SNCB: variants seen among roughly 807,000 people sequenced by gnomAD.
The protein encoded by SNCB is synuclein beta.
SNCB carries 8 observed loss-of-function variants against 20.0 expected under a neutral mutation model. The ratio of observed to expected loss-of-function variants is 0.40; its 90% CI spans 0.24 to 0.72. The LOEUF is 0.72. Ranked by LOEUF, SNCB falls within the 30% of genes least tolerant of loss-of-function variation. The pLI, the probability that SNCB is intolerant of heterozygous loss-of-function variation, is 0.37. For missense variants in SNCB, 125 were observed against 168.0 expected (o/e 0.74, Z 1.41); for synonymous variants, 56 against 65.4 (o/e 0.86, Z 0.69).
chr5:176,628,854 C>T (rs1428727005), intron 2 of SNCB, among the ~76,000 whole-genome samples: 5 of 152,302 alleles, frequency 3.3e-5, no homozygotes, highest in South Asian at 2.1e-4. Context: ...AAATATGCCA[C>T]GACCCTGGGC....
chr5:176,621,988 G>T lies in SNCB; in HGVS notation c.283-685C>A, dbSNP rs1399546770. ...GAACAAACATGGGACTGAGCTGGCT[G>T]CACACACAAGCACACGCGATAGCTT... On this transcript the variant is annotated intron_variant, in intron 4 of 5. Coordinates refer to ENST00000393693, the MANE Select transcript of SNCB (RefSeq NM_003085.5). This position sits in a 1 kb window ranked among gnomAD's most constrained non-coding sequence, Gnocchi z 4.1. 2.6e-5 allele frequency among the ~76,000 whole-genome samples: 4 copies of T among 152,232 alleles called. No individual in the cohort carries two copies. The highest frequency in any genetic ancestry group is 5.9e-5 in the Non-Finnish European group (4 of 68,038).
Position 176,629,495 on chromosome 5 carries a change from C to A in SNCB, c.121+39G>T. 1.2e-6 allele frequency: 2 copies of A among 1,607,176 alleles called. No homozygotes were observed. The highest frequency in any genetic ancestry group is 2.2e-5 in the East Asian group (1 of 44,536). On this transcript the variant is annotated intron_variant, in intron 2 of 5. Coordinates refer to ENST00000393693, the MANE Select transcript of SNCB (RefSeq NM_003085.5). The surrounding 1 kb of genome is among the most constrained non-coding windows in gnomAD (Gnocchi z 4.1). ...CCCAGCTCCACACTGTCGGGGGACCCCCAGCCCTGCAGCCCCAGAAACCCC... is the reference window on the plus strand; with the variant it reads ...CCCAGCTCCACACTGTCGGGGGACCACCAGCCCTGCAGCCCCAGAAACCCC...
rs529861994 is a variant in SNCB at position 176,626,823 on chromosome 5, C to T, written c.122-62G>A. The T allele has an allele frequency of 2.4e-4, 385 of 1,577,982 alleles. No individual in the cohort carries two copies. Among genetic ancestry groups the T allele is most frequent in the Non-Finnish European group, 3.2e-4 (367 of 1,147,314 alleles). On this transcript the variant is annotated intron_variant, in intron 2 of 5. Coordinates refer to ENST00000393693, the MANE Select transcript of SNCB (RefSeq NM_003085.5). This position sits in a 1 kb window ranked among gnomAD's most constrained non-coding sequence, Gnocchi z 4.2. ...CGCTGAGGGAACAGAAACTCCAGCA[C>T]AGCATGGTGATTACAGAGTGGGCAT...
chr5:176,623,452 G>C (rs888476521), intron 4 of SNCB, among the ~76,000 whole-genome samples: 1 of 152,124 alleles, frequency 6.6e-6, no homozygotes, highest in Non-Finnish European at 1.5e-5. Flanking sequence ...AGGGGAGGTG[G>C]GTGAGGCTCC....
intron 4 of SNCB, among the ~76,000 whole-genome samples, chr5:176,622,611 G>T (rs1407205307): frequency 3.9e-5 from 6 of 152,148 alleles, no homozygotes; most frequent in African/African-American, 1.4e-4. Context: ...CGACACAATG[G>T]AATACTACAT....
chr5:176,620,548 C>G lies in SNCB; in HGVS notation c.*263G>C. The G allele has an allele frequency of 1.7e-6, 1 of 586,324 alleles. No homozygotes were observed. Among genetic ancestry groups the G allele is most frequent in the South Asian group, 2.1e-5 (1 of 48,436 alleles). 36.3% of individuals were successfully genotyped at this position (586,324 alleles called of 1,614,324 possible). A position where few individuals can be genotyped will look rare whatever the true frequency, so the allele number is the denominator to read the frequency against. On this transcript the variant is annotated 3_prime_UTR_variant, in exon 6 of 6. Coordinates refer to ENST00000393693, the MANE Select transcript of SNCB (RefSeq NM_003085.5). The surrounding 1 kb of genome is among the most constrained non-coding windows in gnomAD (Gnocchi z 4.5). Reference sequence around the variant, plus strand: ...ATAGAACATGCTACATCCGCGCAGACGCTGGATGGGAGGAGGCAACACTGG... The same window carrying G: ...ATAGAACATGCTACATCCGCGCAGAGGCTGGATGGGAGGAGGCAACACTGG...
intron 4 of SNCB, among the ~76,000 whole-genome samples, chr5:176,625,273 A>G (rs1759870126): frequency 6.6e-6 from 1 of 152,186 alleles, no homozygotes; most frequent in Non-Finnish European, 1.5e-5. Flanking sequence ...GCTCCCTGGA[A>G]CTGCGGCATC....
intron 2 of SNCB, among the ~76,000 whole-genome samples, chr5:176,627,225 G>C (rs1760018925): frequency 6.6e-6 from 1 of 152,264 alleles, no homozygotes; most frequent in Non-Finnish European, 1.5e-5. Context: ...GCCCAGGATA[G>C]GAGGCAGGTG....
intron 2 of SNCB, among the ~76,000 whole-genome samples, chr5:176,627,723 C>T (rs1760064861): frequency 6.6e-6 from 1 of 152,212 alleles, no homozygotes; most frequent in Admixed American, 6.5e-5. Context: ...CAACCAGCAC[C>T]CAGAGACAGG....
In SNCB at chr5:176,626,778, C is replaced by G; in HGVS notation, c.122-17G>C. 1.9e-6 allele frequency: 3 copies of G among 1,614,060 alleles called. No homozygotes were observed. The highest frequency in any genetic ancestry group is 2.2e-5 in the South Asian group (2 of 91,080). ...TCTTGCTTCCTGCAGGGAGAAAAAGCGGCACATTTAAGGACTCTGCGCTGA... is the reference window on the plus strand; with the variant it reads ...TCTTGCTTCCTGCAGGGAGAAAAAGGGGCACATTTAAGGACTCTGCGCTGA... On this transcript the variant is annotated splice_polypyrimidine_tract_variant and intron_variant, in intron 2 of 5. Transcript: ENST00000393693. The surrounding 1 kb of genome is among the most constrained non-coding windows in gnomAD (Gnocchi z 4.2).
At chr5:176,628,068 T>G (rs1401146305) in intron 2 of SNCB, among the ~76,000 whole-genome samples, 2 of 151,876 alleles carry the variant, frequency 1.3e-5, no homozygotes, top group East Asian at 3.9e-4. Flanking sequence ...ATGGGTGTGG[T>G]GGGAAATGTA....
intron 4 of SNCB, among the ~76,000 whole-genome samples, chr5:176,625,359 G>T (rs1000911301): frequency 2.6e-5 from 4 of 152,194 alleles, no homozygotes; most frequent in African/African-American, 9.7e-5. Flanking sequence ...AAATTCTAAC[G>T]ATGGGGCCAA....
In SNCB at chr5:176,626,667, C is replaced by A; in HGVS notation, c.163+53G>T. The stretch of plus-strand genomic sequence containing the variant: ...CCCGCCCCCGCCCTCTGGTTCCCGG[C>A]CAGATCATCCGCCTAAGTGAGAGAA... On this transcript the variant is annotated intron_variant, in intron 3 of 5. Transcript: ENST00000393693. This position sits in a 1 kb window ranked among gnomAD's most constrained non-coding sequence, Gnocchi z 4.2. 1.2e-6 allele frequency: 2 copies of A among 1,605,724 alleles called. No homozygotes were observed. The highest frequency in any genetic ancestry group is 1.1e-5 in the South Asian group (1 of 90,866).
rs1230226199 is a variant in SNCB at position 176,626,072 on chromosome 5, A to G, written c.282+326T>C. On this transcript the variant is annotated intron_variant, in intron 4 of 5. Transcript: ENST00000393693. The surrounding 1 kb of genome is among the most constrained non-coding windows in gnomAD (Gnocchi z 4.2). ...CCTCTCTGGCATGGATATTTGTTGA[A>G]TGAAAAGAAATGAATGAACAATCAT... Among the ~76,000 whole-genome samples, 1 of 152,202 alleles carries G rather than the reference A, an allele frequency of 6.6e-6. No homozygotes were observed. The highest frequency in any genetic ancestry group is 1.5e-5 in the Non-Finnish European group (1 of 68,042).
At chr5:176,623,975 G>T (rs1759772838) in intron 4 of SNCB, among the ~76,000 whole-genome samples, 3 of 152,240 alleles carry the variant, frequency 2.0e-5, no homozygotes, top group Admixed American at 2.0e-4. Flanking sequence ...TGGAAAGCAT[G>T]CTCGAAGCAG....
Position 176,629,253 on chromosome 5 carries a change from AAAGAT to A in SNCB, c.121+276_121+280del, listed in dbSNP as rs1423306785. Among the ~76,000 whole-genome samples the A allele has an allele frequency of 6.6e-6, 1 of 152,174 alleles. No homozygotes were observed. The highest frequency in any genetic ancestry group is 1.5e-5 in the Non-Finnish European group (1 of 68,030). On this transcript the variant is annotated intron_variant, in intron 2 of 5. Coordinates refer to ENST00000393693, the MANE Select transcript of SNCB (RefSeq NM_003085.5). The surrounding 1 kb of genome is among the most constrained non-coding windows in gnomAD (Gnocchi z 4.1). ...CCAGATAACTATTAATAATGGTAAA[AAAGAT>A]AAGAAAAAGGAGGCTGTCTGCTTTC...
rs1760252595 is a variant in SNCB at position 176,629,846 on chromosome 5, T to C, written c.-9-183A>G. ...TGCGAAGCCTCAGGGCCGCGGAGAGTCCTAGCGTCCTTGAAACCTGGGGAC... is the reference window on the plus strand; with the variant it reads ...TGCGAAGCCTCAGGGCCGCGGAGAGCCCTAGCGTCCTTGAAACCTGGGGAC... On this transcript the variant is annotated intron_variant, in intron 1 of 5. Transcript: ENST00000393693. This position sits in a 1 kb window ranked among gnomAD's most constrained non-coding sequence, Gnocchi z 4.1. 1 of 772,956 alleles carries C rather than the reference T, an allele frequency of 1.3e-6. No individual in the cohort carries two copies. Among genetic ancestry groups the C allele is most frequent in the African/African-American group, 1.8e-5 (1 of 55,984 alleles). 47.9% of individuals were successfully genotyped at this position (772,956 alleles called of 1,614,324 possible).
In SNCB at chr5:176,620,570, C is replaced by G. The variant is rs1158645618; in HGVS notation, c.*241G>C. 5 of 596,350 alleles carry G rather than the reference C, an allele frequency of 8.4e-6. No individual in the cohort carries two copies. The highest frequency in any genetic ancestry group is 1.5e-5 in the Non-Finnish European group (5 of 334,400). The allele number at this position is 596,350 out of a possible 1,614,324, so 36.9% of individuals were successfully genotyped here. A position where few individuals can be genotyped will look rare whatever the true frequency, so the allele number is the denominator to read the frequency against. On this transcript the variant is annotated 3_prime_UTR_variant, in exon 6 of 6. Coordinates refer to ENST00000393693, the MANE Select transcript of SNCB (RefSeq NM_003085.5). This position sits in a 1 kb window ranked among gnomAD's most constrained non-coding sequence, Gnocchi z 4.5. ...AGACGCTGGATGGGAGGAGGCAACA[C>G]TGGAGGGGCGAGGCTCCCAGCCGCG...
rs1336080098 is a variant in SNCB, at chr5:176,621,777, T to C, written c.283-474A>G. Among the ~76,000 whole-genome samples, 1 of 152,202 alleles carries C rather than the reference T, an allele frequency of 6.6e-6. No individual in the cohort carries two copies. The highest frequency in any genetic ancestry group is 6.5e-5 in the Admixed American group (1 of 15,288). ...CCCCCGGGCCCTGTGTGGCCTCGTTTCTTCAGCTGTTGCTATTTTAAGATA... is the reference window on the plus strand; with the variant it reads ...CCCCCGGGCCCTGTGTGGCCTCGTTCCTTCAGCTGTTGCTATTTTAAGATA... On this transcript the variant is annotated intron_variant, in intron 4 of 5. Transcript: ENST00000393693. This position sits in a 1 kb window ranked among gnomAD's most constrained non-coding sequence, Gnocchi z 4.1.
Sources: allele counts gnomAD v4.1 joint callset (sites outside exome capture counted in the v4.1 genomes callset), GRCh38; gene constraint gnomAD v4.1.1; non-coding constraint Gnocchi (gnomAD v3.1); transcripts MANE v1.5; gene names NCBI Gene and HGNC (gene_info 2026-07-23, HGNC 2026-07-21).